The following GRIK1 variants were observed in gnomAD, a reference collection of about 807,000 sequenced individuals.
GRIK1 encodes the protein glutamate ionotropic receptor kainate type subunit 1, also known as glutamate receptor ionotropic, kainate 1.
GRIK1 carries 69 observed loss-of-function variants against 105.7 expected under a neutral mutation model. The observed-to-expected ratio is 0.65, with a 90% confidence interval of 0.54 to 0.80. The LOEUF (loss-of-function observed/expected upper bound fraction) is 0.80. Ranked by LOEUF, GRIK1 falls within the 30% of genes least tolerant of loss-of-function variation. The pLI is 0.00. For synonymous variants in GRIK1, 438 were observed against 431.3 expected (o/e 1.02, Z -0.19); for missense variants, 1,109 against 1,167.3 (o/e 0.95, Z 0.73).
intron 1 of GRIK1, among the ~76,000 whole-genome samples, chr21:29,905,320 C>T (rs1286943591): frequency 6.6e-6 from 1 of 152,094 alleles, no homozygotes; most frequent in Non-Finnish European, 1.5e-5. Flanking sequence ...CTCCCAGATT[C>T]ACCAGGAAGG....
chr21:29,750,713 G>T (rs1056668082), intron 1 of GRIK1, among the ~76,000 whole-genome samples: 1 of 152,084 alleles, frequency 6.6e-6, no homozygotes, highest in African/African-American at 2.4e-5. Context: ...GAAGAGTCAG[G>T]CTCTCTTATA....
intron 1 of GRIK1, among the ~76,000 whole-genome samples, chr21:29,906,044 A>T (rs1358200126): frequency 6.6e-6 from 1 of 152,168 alleles, no homozygotes; most frequent in Non-Finnish European, 1.5e-5. Flanking sequence ...TTTTATAAGA[A>T]GCAAAGAAAT....
chr21:29,776,156 A>T (rs908746275), intron 1 of GRIK1, among the ~76,000 whole-genome samples: 1 of 152,164 alleles, frequency 6.6e-6, no homozygotes, highest in Non-Finnish European at 1.5e-5. Flanking sequence ...CAATGATTCA[A>T]TTACCTCCCA....
chr21:29,552,963 C>T (rs555750646), intron 16 of GRIK1, among the ~76,000 whole-genome samples: 4 of 151,928 alleles, frequency 2.6e-5, no homozygotes, highest in Admixed American at 6.6e-5. Flanking sequence ...CTGTGGATCA[C>T]GGTTTTTAAA....
chr21:29,722,197 A>G (rs1019487967), intron 1 of GRIK1, among the ~76,000 whole-genome samples: 2 of 152,160 alleles, frequency 1.3e-5, no homozygotes, highest in African/African-American at 4.8e-5. Flanking sequence ...TCTAATTAGA[A>G]GAAGGACATT....
At chr21:29,638,796 A>G (rs574683387) in intron 7 of GRIK1, among the ~76,000 whole-genome samples, 42 of 152,324 alleles carry the variant, frequency 2.8e-4, no homozygotes, top group Non-Finnish European at 7.4e-5. Flanking sequence ...TCATTTTTTA[A>G]CAGAACCTTT....
chr21:29,674,938 G>A (rs1216081213), intron 3 of GRIK1, among the ~76,000 whole-genome samples: 1 of 152,120 alleles, frequency 6.6e-6, no homozygotes, highest in Non-Finnish European at 1.5e-5. Flanking sequence ...AAGTCCCTCA[G>A]GTACTTATAA....
chr21:29,889,856 A>T (rs1351824443), intron 1 of GRIK1, among the ~76,000 whole-genome samples: 1 of 152,090 alleles, frequency 6.6e-6, no homozygotes, highest in East Asian at 1.9e-4. Flanking sequence ...TCCATAAAGA[A>T]GGAAGATAAA....
chr21:29,580,243 G>T (rs915551643), intron 13 of GRIK1, among the ~76,000 whole-genome samples: 3 of 150,842 alleles, frequency 2.0e-5, no homozygotes, highest in Non-Finnish European at 4.4e-5. Context: ...CACTCTGAAA[G>T]TAATTGCTCA....
intron 1 of GRIK1, among the ~76,000 whole-genome samples, chr21:29,826,687 T>C (rs1045935512): frequency 6.6e-6 from 1 of 152,038 alleles, no homozygotes; most frequent in Non-Finnish European, 1.5e-5. Context: ...ATATGTATAG[T>C]ATGAACGTAT....
chr21:29,773,850 A>T (rs455804), intron 1 of GRIK1, among the ~76,000 whole-genome samples: 2 of 152,010 alleles, frequency 1.3e-5, no homozygotes, highest in South Asian at 4.1e-4. Context: ...AACTAAGGCA[A>T]TTTAAACTAC....
At chr21:29,672,590 A>T (rs995094030) in intron 4 of GRIK1, among the ~76,000 whole-genome samples, 1 of 152,182 alleles carries the variant, frequency 6.6e-6, no homozygotes, top group Non-Finnish European at 1.5e-5. Flanking sequence ...AGGTCTTGCC[A>T]TGAGGAAGAT....
intron 1 of GRIK1, among the ~76,000 whole-genome samples, chr21:29,874,178 T>A (rs2069114693): frequency 6.6e-6 from 1 of 152,172 alleles, no homozygotes; most frequent in Non-Finnish European, 1.5e-5. Flanking sequence ...ACCCCTGCTA[T>A]CGACCACTGA....
chr21:29,706,842 T>A (rs2063917936), intron 1 of GRIK1, among the ~76,000 whole-genome samples: 1 of 152,242 alleles, frequency 6.6e-6, no homozygotes, highest in South Asian at 2.1e-4. Flanking sequence ...TGCTGCACTC[T>A]GTGAACTCCC....
intron 13 of GRIK1, 146 bp from the exon 14 acceptor site, chr21:29,577,327 G>A: frequency 1.8e-6 from 1 of 542,780 alleles, no homozygotes; most frequent in Non-Finnish European, 3.3e-6. Flanking sequence ...TATAGAAAAT[G>A]GAGCAAAATC....
At chr21:29,912,717 C>T (rs2070860895) in intron 1 of GRIK1, among the ~76,000 whole-genome samples, 1 of 151,992 alleles carries the variant, frequency 6.6e-6, no homozygotes, top group African/African-American at 2.4e-5. Flanking sequence ...ATTGTAGACT[C>T]ACAGGGTATA....
At chr21:29,684,252 C>CTA (rs2063437876) in intron 3 of GRIK1, among the ~76,000 whole-genome samples, 5 of 149,388 alleles carry the variant, frequency 3.3e-5, no homozygotes, top group African/African-American at 7.4e-5. Flanking sequence ...AATCTATCAT[C>CTA]TCTATCTATC....
chr21:29,817,495 C>T lies in GRIK1; in HGVS notation c.118+121888G>A, dbSNP rs567212784. Among the ~76,000 whole-genome samples, 15 of 152,208 alleles carry T rather than the reference C, an allele frequency of 9.9e-5. 1 individual carries two copies. The highest frequency in any genetic ancestry group is 3.6e-4 in the African/African-American group (15 of 41,546). ...AGAGGTAGAACATACTTTACTGTTT[C>T]AATAGTGCTGGGCTTGGCCATGTGA... On this transcript the variant is annotated intron_variant, in intron 1 of 17. Transcript: ENST00000327783.
At chr21:29,550,107 C>CAAA (rs34939329) in intron 16 of GRIK1, among the ~76,000 whole-genome samples, 944 of 53,408 alleles carry the variant, frequency 0.018, 204 homozygotes, top group Admixed American at 0.027. Context: ...GACTCCATCT[C>CAAA]AAAAAAAAAA....
Sources: allele counts gnomAD v4.1 joint callset (sites outside exome capture counted in the v4.1 genomes callset), GRCh38; gene constraint gnomAD v4.1.1; transcripts MANE v1.5; gene names NCBI Gene and HGNC (gene_info 2026-07-23, HGNC 2026-07-21).